The following TGFBR2 variants were observed in gnomAD, a reference collection of about 807,000 sequenced individuals.
TGFBR2 encodes TGF-beta receptor type-2.
In TGFBR2, 18 loss-of-function variants were observed where a neutral mutation model predicts 49.0. That is an observed-to-expected ratio of 0.37 (90% CI 0.25 to 0.54). TGFBR2 has a LOEUF of 0.54. Ranked by LOEUF, TGFBR2 falls within the 20% of genes least tolerant of loss-of-function variation. The pLI, the probability that TGFBR2 is intolerant of heterozygous loss-of-function variation, is 0.85. For synonymous variants in TGFBR2, 282 were observed against 275.9 expected (o/e 1.02, Z -0.22); for missense variants, 525 against 722.6 (o/e 0.73, Z 3.13).
chr3:30,606,719 C>A lies in TGFBR2; in HGVS notation c.-165C>A, dbSNP rs997235184. The A allele has an allele frequency of 1.4e-5, 6 of 441,030 alleles. No individual in the cohort carries two copies. Among genetic ancestry groups the A allele is most frequent in the Non-Finnish European group, 2.3e-5 (6 of 265,332 alleles). 27.3% of individuals were successfully genotyped at this position (441,030 alleles called of 1,614,324 possible). A position where few individuals can be genotyped will look rare whatever the true frequency, so the allele number is the denominator to read the frequency against. On this transcript the variant is annotated 5_prime_UTR_variant, in exon 1 of 7. Transcript: ENST00000295754. Reference sequence around the variant, plus strand: ...TCCCCGCGCCTCGCCGGCCTCCAGGCCCCCTCCTGGCTGGCGAGCGGGCGC... The same window carrying A: ...TCCCCGCGCCTCGCCGGCCTCCAGGACCCCTCCTGGCTGGCGAGCGGGCGC...
chr3:30,677,649 T>C (rs2097762544), intron 5 of TGFBR2, among the ~76,000 whole-genome samples: 1 of 152,252 alleles, frequency 6.6e-6, no homozygotes, highest in Non-Finnish European at 1.5e-5. Context: ...TAGTCTTAGT[T>C]TCAGAGGCTT....
chr3:30,675,543 C>T (rs1162535782), intron 5 of TGFBR2, among the ~76,000 whole-genome samples: 6 of 152,092 alleles, frequency 3.9e-5, no homozygotes, highest in African/African-American at 7.2e-5. Flanking sequence ...TGCACCACCA[C>T]GCTCAGCTAA....
At chr3:30,650,482 G>A (rs1418521630) in intron 3 of TGFBR2, 22 bp downstream of exon 3, 2 of 1,613,474 alleles carry the variant, frequency 1.2e-6, no homozygotes, top group Non-Finnish European at 1.7e-6. Context: ...TCTCTTAAGG[G>A]TGTGGGACCT....
intron 3 of TGFBR2, among the ~76,000 whole-genome samples, chr3:30,664,648 A>T (rs1379019818): frequency 6.6e-6 from 1 of 152,244 alleles, no homozygotes; most frequent in Non-Finnish European, 1.5e-5. Flanking sequence ...TAACTTGAGT[A>T]TGCATGTGCG....
Position 30,688,395 on chromosome 3 carries a change from T to C in TGFBR2, c.1408T>C (p.Tyr470His), listed in dbSNP as rs863224935. Residue 470 changes from tyrosine to histidine, a missense_variant, in exon 6 of 7, where the codon TAT becomes CAT. Physicochemically the swap from Tyr to His is moderately conservative, Grantham distance 83 (BLOSUM62 2). Coordinates refer to ENST00000295754, the MANE Select transcript of TGFBR2 (RefSeq NM_003242.6). ...GGCTTTCTTCACAGAAGTAAAAGAT[T>C]ATGAGCCTCCATTTGGTTCCAAGGT... is the stretch of plus-strand genomic sequence containing the variant. ...RCNAVGEVKDYEPPFGSKVRE... is the reference protein window; with the variant it reads ...RCNAVGEVKDHEPPFGSKVRE... 6.2e-7 allele frequency: 1 copy of C among 1,614,192 alleles called. No individual in the cohort carries two copies. The highest frequency in any genetic ancestry group is 8.5e-7 in the Non-Finnish European group (1 of 1,180,016).
chr3:30,635,178 A>G (rs1311796432), intron 1 of TGFBR2, among the ~76,000 whole-genome samples: 3 of 152,230 alleles, frequency 2.0e-5, no homozygotes, highest in South Asian at 2.1e-4. Flanking sequence ...GAAAGTTACA[A>G]TTGTTTCAGC....
At chr3:30,623,303 AT>A (rs2125454090) in intron 1 of TGFBR2, 1 of 1,612,450 alleles carries the variant, frequency 6.2e-7, no homozygotes, top group Non-Finnish European at 8.5e-7. Context: ...TCTTTTCATC[AT>A]TTTTCTATTT....
At position 30,688,523 on chromosome 3, in the gene TGFBR2, G is replaced by A. The variant is rs1472205679; in HGVS notation, c.1524+12G>A. 2.5e-6 allele frequency: 4 copies of A among 1,614,132 alleles called. No individual in the cohort carries two copies. The South Asian group carries it at 3.3e-5, about 13-fold the overall frequency. The stretch of plus-strand genomic sequence containing the variant: ...GGCTCAACCACCAGGTAAGGAGTGA[G>A]TGTTTACAAAGGTCAGTAAGATTCA... On this transcript the variant is annotated intron_variant, in intron 6 of 6. Coordinates refer to ENST00000295754, the MANE Select transcript of TGFBR2 (RefSeq NM_003242.6).
At chr3:30,641,338 G>C (rs563914638) in intron 1 of TGFBR2, among the ~76,000 whole-genome samples, 8 of 152,114 alleles carry the variant, frequency 5.3e-5, no homozygotes, top group African/African-American at 1.9e-4. Flanking sequence ...CAGTACATAT[G>C]GTATGCATAA....
chr3:30,662,032 G>T (rs1699142313), intron 3 of TGFBR2, among the ~76,000 whole-genome samples: 1 of 152,112 alleles, frequency 6.6e-6, no homozygotes, highest in South Asian at 2.1e-4. Context: ...TGATCTAGGG[G>T]TTGTGAGTTT....
At chr3:30,625,112 G>C (rs1233854358) in intron 1 of TGFBR2, among the ~76,000 whole-genome samples, 1 of 152,076 alleles carries the variant, frequency 6.6e-6, no homozygotes, top group Non-Finnish European at 1.5e-5. Flanking sequence ...TTTACATACT[G>C]ATTCCTGTTA....
At chr3:30,660,667 G>A (rs1312592977) in intron 3 of TGFBR2, among the ~76,000 whole-genome samples, 1 of 152,178 alleles carries the variant, frequency 6.6e-6, no homozygotes, top group Non-Finnish European at 1.5e-5. Context: ...GGAATAGCAA[G>A]ACACTTTAAG....
chr3:30,672,554 G>C lies in TGFBR2; in HGVS notation c.1254+117G>C. ...CCCTGTACTCTGGACACTGGTCTAGGGAATCTAGCCAAAGTATGGAGTCTG... is the reference window on the plus strand; with the variant it reads ...CCCTGTACTCTGGACACTGGTCTAGCGAATCTAGCCAAAGTATGGAGTCTG... On this transcript the variant is annotated intron_variant, in intron 4 of 6. Coordinates refer to ENST00000295754, the MANE Select transcript of TGFBR2 (RefSeq NM_003242.6). The surrounding 1 kb of genome is among the most constrained non-coding windows in gnomAD (Gnocchi z 4.5). 1 of 1,158,006 alleles carries C rather than the reference G, an allele frequency of 8.6e-7. No individual in the cohort carries two copies. The allele number at this position is 1,158,006 out of a possible 1,614,324, so 71.7% of individuals were successfully genotyped here. A position where few individuals can be genotyped will look rare whatever the true frequency, so the allele number is the denominator to read the frequency against.
At chr3:30,664,309 G>A (rs1185626235) in intron 3 of TGFBR2, among the ~76,000 whole-genome samples, 1 of 151,766 alleles carries the variant, frequency 6.6e-6, no homozygotes, top group African/African-American at 2.4e-5. Flanking sequence ...TCATCTGAGT[G>A]GCTTCAAAGC....
At chr3:30,615,732 T>C (rs1260737296) in intron 1 of TGFBR2, among the ~76,000 whole-genome samples, 3 of 125,724 alleles carry the variant, frequency 2.4e-5, no homozygotes, top group African/African-American at 1.1e-4. Context: ...GTTGTTTGTA[T>C]GATACTATTT....
intron 3 of TGFBR2, among the ~76,000 whole-genome samples, chr3:30,664,546 T>C (rs565366304): frequency 6.6e-6 from 1 of 151,344 alleles, no homozygotes; most frequent in African/African-American, 2.4e-5. Flanking sequence ...TAGTATGCCA[T>C]AAAAAAAAAT....
intron 5 of TGFBR2, among the ~76,000 whole-genome samples, chr3:30,686,927 C>T (rs1030017144): frequency 6.6e-6 from 1 of 152,192 alleles, no homozygotes; most frequent in Non-Finnish European, 1.5e-5. Flanking sequence ...TTCATTCATT[C>T]ACTCACTCAA....
chr3:30,676,197 T>G lies in TGFBR2; in HGVS notation c.1396+1951T>G, dbSNP rs941781082. ...AGATGTCCATGTGTCTGGTTATTAA[T>G]GTTAAATTTGGTCCTTTGGTTAAAG... On this transcript the variant is annotated intron_variant, in intron 5 of 6. Transcript: ENST00000295754. The surrounding 1 kb of genome is among the most constrained non-coding windows in gnomAD (Gnocchi z 4.3). Among the ~76,000 whole-genome samples the G allele has an allele frequency of 6.6e-6, 1 of 152,254 alleles. No individual in the cohort carries two copies. The highest frequency in any genetic ancestry group is 2.4e-5 in the African/African-American group (1 of 41,466).
intron 3 of TGFBR2, among the ~76,000 whole-genome samples, chr3:30,669,765 T>C (rs1338858971): frequency 1.3e-5 from 2 of 152,208 alleles, no homozygotes; most frequent in Non-Finnish European, 2.9e-5. Flanking sequence ...TGCCTGTCTA[T>C]GTCTGAAGCT....
Sources: allele counts gnomAD v4.1 joint callset (sites outside exome capture counted in the v4.1 genomes callset), GRCh38; gene constraint gnomAD v4.1.1; non-coding constraint Gnocchi (gnomAD v3.1); transcripts MANE v1.5; gene names NCBI Gene and HGNC (gene_info 2026-07-23, HGNC 2026-07-21).